The following HMBOX1 variants were observed in gnomAD, a reference collection of about 807,000 sequenced individuals.
The protein encoded by HMBOX1 is homeobox containing 1, also known as homeobox-containing protein 1.
In HMBOX1, 14 loss-of-function variants were observed where a neutral mutation model predicts 54.5. The ratio of observed to expected loss-of-function variants is 0.26; its 90% CI spans 0.17 to 0.40. The LOEUF (loss-of-function observed/expected upper bound fraction) is 0.40. HMBOX1 is among the 10% of genes least tolerant of loss of function. The pLI, the probability that HMBOX1 is intolerant of heterozygous loss-of-function variation, is 1.00. For missense variants in HMBOX1, 332 were observed against 514.4 expected (o/e 0.65, Z 3.43); for synonymous variants, 160 against 181.0 (o/e 0.88, Z 0.93).
At chr8:28,930,088 C>G (rs1215821699) in intron 1 of HMBOX1, among the ~76,000 whole-genome samples, 1 of 152,076 alleles carries the variant, frequency 6.6e-6, no homozygotes, top group Non-Finnish European at 1.5e-5. Flanking sequence ...GCATAGAAGA[C>G]TGTCTTTGGA....
intron 5 of HMBOX1, among the ~76,000 whole-genome samples, chr8:29,015,503 A>C (rs1262679533): frequency 6.6e-6 from 1 of 152,176 alleles, no homozygotes; most frequent in Non-Finnish European, 1.5e-5. Flanking sequence ...TATAATTTTA[A>C]TTAGGTAGAT....
At chr8:28,900,629 A>G (rs955273056) in intron 1 of HMBOX1, among the ~76,000 whole-genome samples, 2 of 152,122 alleles carry the variant, frequency 1.3e-5, no homozygotes, top group African/African-American at 4.8e-5. Flanking sequence ...ACTTAACAGT[A>G]TTATGCCCTA....
chr8:28,913,449 C>T (rs1329081942), intron 1 of HMBOX1, among the ~76,000 whole-genome samples: 3 of 152,174 alleles, frequency 2.0e-5, no homozygotes, highest in African/African-American at 7.2e-5. Flanking sequence ...TTCACCATCC[C>T]ATTTCCCCAC....
intron 7 of HMBOX1, among the ~76,000 whole-genome samples, 198 bp from the exon 8 acceptor site, chr8:29,047,160 T>C (rs936054271): frequency 6.6e-6 from 1 of 152,226 alleles, no homozygotes; most frequent in Non-Finnish European, 1.5e-5. Context: ...GTTGTTTTTG[T>C]ATTCATTTAC....
intron 8 of HMBOX1, among the ~76,000 whole-genome samples, chr8:29,047,677 C>G (rs1216187863): frequency 6.6e-6 from 1 of 151,072 alleles, no homozygotes; most frequent in African/African-American, 2.4e-5. Flanking sequence ...AAGTGGTTCT[C>G]CTGCCTCAGC....
chr8:28,905,323 C>A (rs368593190), intron 1 of HMBOX1, among the ~76,000 whole-genome samples: 1 of 151,972 alleles, frequency 6.6e-6, no homozygotes, highest in Non-Finnish European at 1.5e-5. Context: ...AAACAAAAAA[C>A]CAGGCGCGCG....
intron 1 of HMBOX1, among the ~76,000 whole-genome samples, chr8:28,944,013 A>T (rs549322977): frequency 6.6e-6 from 1 of 152,074 alleles, no homozygotes; most frequent in Non-Finnish European, 1.5e-5. Context: ...ATACAGAGAC[A>T]CCTTCTTGGC....
intron 1 of HMBOX1, among the ~76,000 whole-genome samples, chr8:28,925,222 T>C (rs549658279): frequency 4.6e-5 from 7 of 152,312 alleles, no homozygotes; most frequent in African/African-American, 1.7e-4. Context: ...ACACATTTTG[T>C]TGGTGTATTG....
At chr8:29,033,563 C>G (rs921092681) in intron 6 of HMBOX1, among the ~76,000 whole-genome samples, 2 of 152,158 alleles carry the variant, frequency 1.3e-5, no homozygotes, top group Admixed American at 6.5e-5. Flanking sequence ...ATTATACTTC[C>G]TGGTTCCTTT....
At chr8:28,932,227 G>C (rs1394852173) in intron 1 of HMBOX1, among the ~76,000 whole-genome samples, 1 of 152,224 alleles carries the variant, frequency 6.6e-6, no homozygotes, top group South Asian at 2.1e-4. Context: ...GGAATGGTGA[G>C]TGAAGGGCAG....
intron 1 of HMBOX1, among the ~76,000 whole-genome samples, chr8:28,902,081 A>G (rs1313262566): frequency 6.6e-6 from 1 of 152,164 alleles, no homozygotes; most frequent in Admixed American, 6.5e-5. Flanking sequence ...GACATTCTAA[A>G]TAGTTTAGTT....
chr8:28,968,892 G>A (rs1048609767), intron 2 of HMBOX1, among the ~76,000 whole-genome samples: 5 of 152,178 alleles, frequency 3.3e-5, no homozygotes, highest in Middle Eastern at 3.2e-3. Context: ...AGGAATTCAA[G>A]GCCGAGCATG....
intron 1 of HMBOX1, among the ~76,000 whole-genome samples, chr8:28,957,358 G>T (rs550363948): frequency 9.3e-4 from 141 of 152,138 alleles, no homozygotes; most frequent in African/African-American, 3.3e-3. Context: ...CTAAACTTTG[G>T]GTACACGTGC....
intron 4 of HMBOX1, among the ~76,000 whole-genome samples, chr8:28,988,993 C>T (rs758286022): frequency 4.6e-5 from 7 of 151,998 alleles, no homozygotes; most frequent in Admixed American, 6.6e-5. Context: ...TTAAACAGGA[C>T]CAAGTGCGGT....
chr8:28,917,642 C>G (rs890017714), intron 1 of HMBOX1, among the ~76,000 whole-genome samples: 1 of 152,038 alleles, frequency 6.6e-6, no homozygotes, highest in African/African-American at 2.4e-5. Flanking sequence ...AAGGCAAAAG[C>G]ATTTTATCTT....
chr8:28,928,241 T>G (rs1029229464), intron 1 of HMBOX1, among the ~76,000 whole-genome samples: 4 of 152,112 alleles, frequency 2.6e-5, no homozygotes, highest in African/African-American at 9.7e-5. Context: ...AATGAAAACT[T>G]CCCAAGAAAA....
rs567190445 is a variant in HMBOX1 at position 28,936,448 on chromosome 8, A to C, written c.-57-27363A>C. ...ATACATTTAAACTATAATAATAATA[A>C]AACTGGTCATTAGAGTACTTTTTGC... On this transcript the variant is annotated intron_variant, in intron 1 of 9. Transcript: ENST00000287701. Among the ~76,000 whole-genome samples, 5 of 152,126 alleles carry C rather than the reference A, an allele frequency of 3.3e-5. No homozygotes were observed. The South Asian group carries it at 1.0e-3, about 32-fold the overall frequency.
chr8:28,968,162 G>A (rs1334790401), intron 2 of HMBOX1, among the ~76,000 whole-genome samples: 1 of 152,140 alleles, frequency 6.6e-6, no homozygotes, highest in East Asian at 1.9e-4. Flanking sequence ...AAAAACATAC[G>A]ACATCTAGCT....
At chr8:28,929,312 G>A (rs1452457079) in intron 1 of HMBOX1, among the ~76,000 whole-genome samples, 3 of 152,268 alleles carry the variant, frequency 2.0e-5, no homozygotes, top group East Asian at 3.9e-4. Context: ...TGAAGGGTAT[G>A]TTTGGAAAAT....
Sources: allele counts gnomAD v4.1 joint callset (sites outside exome capture counted in the v4.1 genomes callset), GRCh38; gene constraint gnomAD v4.1.1; transcripts MANE v1.5; gene names NCBI Gene and HGNC (gene_info 2026-07-23, HGNC 2026-07-21).